CERCAM: variants seen among roughly 807,000 people sequenced by gnomAD.
CERCAM encodes inactive glycosyltransferase 25 family member 3.
A neutral mutation model predicts 66.0 loss-of-function variants in CERCAM; 59 were observed. The ratio of observed to expected loss-of-function variants is 0.89; its 90% CI spans 0.73 to 1.11. The LOEUF (loss-of-function observed/expected upper bound fraction) is 1.11. Among genes scored for constraint, CERCAM ranks in the 50% most tolerant of loss-of-function variants. CERCAM has a pLI of 0.00. For missense variants in CERCAM, 840 were observed against 828.3 expected (o/e 1.01, Z -0.17); for synonymous variants, 318 against 343.6 (o/e 0.93, Z 0.83).
rs767146225 is a variant in CERCAM, at chr9:128,422,960, G to A, written c.290G>A (p.Arg97Lys). The A allele has an allele frequency of 7.4e-6, 12 of 1,613,818 alleles. No individual in the cohort carries two copies. Among genetic ancestry groups the A allele is most frequent in the African/African-American group, 1.3e-5 (1 of 75,040 alleles). ...GATGACTATGCTGCTGTGGTCTGGA[G>A]GCCTGAGGGCGAGCCCAGGTGGTGA... ...VGDDYAAVVW[R>K]PEGEPRFYPD... Residue 97 changes from arginine to lysine, a missense_variant, in exon 2 of 13, where the codon AGG (arginine) becomes AAG (lysine). Arg to Lys is a conservative substitution (Grantham distance 26). Transcript: ENST00000372838.
At chr9:128,429,147 A>T in intron 8 of CERCAM, 111 bp downstream of exon 8, 1 of 745,176 alleles carries the variant, frequency 1.3e-6, no homozygotes, top group Non-Finnish European at 2.1e-6. Flanking sequence ...TTCCTGTCCC[A>T]TGTAGTATCC....
rs1564424950 is a variant in CERCAM at position 128,423,165 on chromosome 9, G to GGTCCCAAGC, written c.329_337dup (p.Lys112_His113insArgProLys). 6.2e-7 allele frequency: 1 copy of GGTCCCAAGC among 1,614,062 alleles called. No individual in the cohort carries two copies. On this transcript the variant is annotated inframe_insertion, in exon 3 of 13. Transcript: ENST00000372838. Reference sequence around the variant, plus strand: ...CCTCAGGTTCTACCCAGATGAAGAGGGTCCCAAGCACTGGACCAAAGAAAG... The same window carrying GGTCCCAAGC: ...CCTCAGGTTCTACCCAGATGAAGAGGGTCCCAAGCGTCCCAAGCACTGGACCAAAGAAAG...
chr9:128,420,791 C>T, upstream of CERCAM: 2 of 475,848 alleles, frequency 4.2e-6, no homozygotes, highest in Non-Finnish European at 3.1e-6. The surrounding 1 kb of genome is among the most constrained non-coding windows in gnomAD (Gnocchi z 5.0). Context: ...GGGTCTGCCT[C>T]GGCCCCGCCC....
chr9:128,422,919 G>A lies in CERCAM; in HGVS notation c.249G>A (p.Trp83Ter). ...VDNTTEMLQE[W>*]LAAVGDDYAA... is the part of the protein sequence containing the mutation. Reference sequence around the variant, plus strand: ...ACACCACAGAGATGCTGCAGGAGTGGCTGGCGGCTGTGGGCGATGACTATG... The same window carrying A: ...ACACCACAGAGATGCTGCAGGAGTGACTGGCGGCTGTGGGCGATGACTATG... The change falls in exon 2 of 13, where the codon TGG becomes TGA. Residue 83 changes from tryptophan to a stop codon, truncating the protein, a stop_gained. Coordinates refer to ENST00000372838, the MANE Select transcript of CERCAM (RefSeq NM_016174.5). LOFTEE classifies it high-confidence loss of function. 6.2e-7 allele frequency: 1 copy of A among 1,614,010 alleles called. No homozygotes were observed. Among genetic ancestry groups the A allele is most frequent in the Admixed American group, 1.7e-5 (1 of 60,016 alleles).
chr9:128,430,929 A>T (rs1172044184), intron 8 of CERCAM: 1 of 411,652 alleles, frequency 2.4e-6, no homozygotes, highest in African/African-American at 2.1e-5. Context: ...AAATCACTTG[A>T]ACCTGGGAGG....
chr9:128,429,015 T>C lies in CERCAM; in HGVS notation c.1049T>C (p.Val350Ala). The C allele has an allele frequency of 6.2e-7, 1 of 1,607,132 alleles. No individual in the cohort carries two copies. The highest frequency in any genetic ancestry group is 8.5e-7 in the Non-Finnish European group (1 of 1,177,792). ...SLWEMEISGRVVDAVDGWMLN... is the reference protein window; with the variant it reads ...SLWEMEISGRAVDAVDGWMLN... ...TGGGAGATGGAGATCTCTGGGAGGGTGGTGGACGCTGTGGATGGCTGGTGA... is the reference window on the plus strand; with the variant it reads ...TGGGAGATGGAGATCTCTGGGAGGGCGGTGGACGCTGTGGATGGCTGGTGA... Residue 350 changes from valine (V) to alanine (A), a missense_variant, in exon 8 of 13, where the codon GTG (valine) becomes GCG (alanine). Transcript: ENST00000372838.
Position 128,431,213 on chromosome 9 carries a change from G to T in CERCAM, c.1113G>T (p.Leu371=). 6.2e-7 allele frequency: 1 copy of T among 1,613,990 alleles called. No homozygotes were observed. The highest frequency in any genetic ancestry group is 8.5e-7 in the Non-Finnish European group (1 of 1,180,008). ...CCATCAGGAACCTCGGCGTAGACCT[G>T]CTCCCGGGCTACCAGGACCCTTACT... The part of the protein sequence containing the change: ...SSAIRNLGVD[L]LPGYQDPYSG... The change falls in exon 9 of 13, where the codon CTG becomes CTT. Residue 371 remains leucine, a synonymous_variant. Transcript: ENST00000372838.
At chr9:128,424,037 T>C in intron 3 of CERCAM, 101 bp from the exon 4 acceptor site, 1 of 1,352,344 alleles carries the variant, frequency 7.4e-7, no homozygotes, top group Non-Finnish European at 1.0e-6. Flanking sequence ...TCCCACTGGA[T>C]CCTAGGAGCC....
chr9:128,428,838 G>C lies in CERCAM; in HGVS notation c.963+5G>C. 6.2e-7 allele frequency: 1 copy of C among 1,613,966 alleles called. No individual in the cohort carries two copies. The highest frequency in any genetic ancestry group is 1.1e-5 in the South Asian group (1 of 91,084). On this transcript the variant is annotated splice_donor_5th_base_variant and intron_variant, in intron 7 of 12. Transcript: ENST00000372838. Reference sequence around the variant, plus strand: ...AGCAAGATAGGGTTTGACGAGGTAAGTCCCCCAGCCTGTGGGCTCGCTGTT... The same window carrying C: ...AGCAAGATAGGGTTTGACGAGGTAACTCCCCCAGCCTGTGGGCTCGCTGTT...
In CERCAM at chr9:128,435,682, G is replaced by T; in HGVS notation, c.1565G>T (p.Arg522Leu). Residue 522 changes from arginine to leucine, a missense_variant, in exon 12 of 13, where the codon CGG becomes CTG. Physicochemically the swap from Arg to Leu is moderately radical, Grantham distance 102. Coordinates refer to ENST00000372838, the MANE Select transcript of CERCAM (RefSeq NM_016174.5). ...CAGTACAAGGCACACTTCTGGCCAC[G>T]GGACCTGGTGGCCTTCTCCGCCCAG... ...NEQYKAHFWP[R>L]DLVAFSAQPL... is the part of the protein sequence containing the mutation. The T allele has an allele frequency of 6.2e-7, 1 of 1,613,580 alleles. No individual in the cohort carries two copies. The highest frequency in any genetic ancestry group is 8.5e-7 in the Non-Finnish European group (1 of 1,179,870).
Position 128,421,469 on chromosome 9 carries a change from C to T in CERCAM, c.197+395C>T, listed in dbSNP as rs7025672. On this transcript the variant is annotated intron_variant, in intron 1 of 12. Transcript: ENST00000372838. The stretch of plus-strand genomic sequence containing the variant: ...GGAACCTCTGAAGTCCACTGGGGCC[C>T]AACGTGGCAGGGATCGACCACGCTG... 28,875 of 1,000,796 alleles carry T rather than the reference C, an allele frequency of 0.029. 6,006 individuals carry two copies. The African/African-American group carries it at 0.45, about 16-fold the overall frequency. 62.0% of individuals were successfully genotyped at this position (1,000,796 alleles called of 1,614,324 possible). A position where few individuals can be genotyped will look rare whatever the true frequency, so the allele number is the denominator to read the frequency against.
At chr9:128,436,334 G>A (rs966562635) in intron 12 of CERCAM, among the ~76,000 whole-genome samples, 3 of 152,084 alleles carry the variant, frequency 2.0e-5, no homozygotes, top group Non-Finnish European at 2.9e-5. Flanking sequence ...TCTGCCTCCC[G>A]CGTCCCGGAT....
rs537219342 is a variant in CERCAM at position 128,425,582 on chromosome 9, G to T, written c.766+968G>T. On this transcript the variant is annotated intron_variant, in intron 5 of 12. Transcript: ENST00000372838. The stretch of plus-strand genomic sequence containing the variant: ...GCTGGAGTGCAATGGCGTGATCTTG[G>T]CTCACTGCAACCTCTGCCTTCCGGG... 2.3e-3 allele frequency among the ~76,000 whole-genome samples: 349 copies of T among 151,490 alleles called. 1 individual carries two copies. Among genetic ancestry groups the T allele is most frequent in the African/African-American group, 7.0e-3 (289 of 41,254 alleles).
In CERCAM at chr9:128,434,703, A is replaced by C. The variant is rs931302110; in HGVS notation, c.1535+90A>C. The C allele has an allele frequency of 2.4e-5, 32 of 1,315,898 alleles. No individual in the cohort carries two copies. Among genetic ancestry groups the C allele is most frequent in the Non-Finnish European group, 3.0e-5 (29 of 957,818 alleles). 81.5% of individuals were successfully genotyped at this position (1,315,898 alleles called of 1,614,324 possible). On this transcript the variant is annotated intron_variant, in intron 11 of 12. Transcript: ENST00000372838. The surrounding 1 kb of genome is among the most constrained non-coding windows in gnomAD (Gnocchi z 4.5). ...TCAGCAGGAAGTCCCCTCACCTGGC[A>C]GATGGGGAGACTGGGACTGGCAAGG...
rs1278107849 is a variant in CERCAM, at chr9:128,434,311, C to T, written c.1331+82C>T. The stretch of plus-strand genomic sequence containing the variant: ...TTTTCCTGCTTGGGACCCTGGCCGG[C>T]CCATCCCCTGAGAGCCTGGCCCTGT... On this transcript the variant is annotated intron_variant, in intron 10 of 12. Transcript: ENST00000372838. The surrounding 1 kb of genome is among the most constrained non-coding windows in gnomAD (Gnocchi z 4.5). The T allele has an allele frequency of 1.2e-5, 20 of 1,601,876 alleles. No individual in the cohort carries two copies. The highest frequency in any genetic ancestry group is 2.7e-5 in the African/African-American group (2 of 74,656).
At position 128,421,078 on chromosome 9, in the gene CERCAM, A is replaced by T; in HGVS notation, c.197+4A>T. 1 of 1,298,186 alleles carries T rather than the reference A, an allele frequency of 7.7e-7. No homozygotes were observed. Among genetic ancestry groups the T allele is most frequent in the Non-Finnish European group, 9.8e-7 (1 of 1,020,272 alleles). 80.4% of individuals were successfully genotyped at this position (1,298,186 alleles called of 1,614,324 possible). ...CCCGGGCCAGGATGGCCCTCTGGTGAGAGACCCGGGCATTGGCACCGAGTG... is the reference window on the plus strand; with the variant it reads ...CCCGGGCCAGGATGGCCCTCTGGTGTGAGACCCGGGCATTGGCACCGAGTG... On this transcript the variant is annotated splice_donor_region_variant and intron_variant, in intron 1 of 12. Coordinates refer to ENST00000372838, the MANE Select transcript of CERCAM (RefSeq NM_016174.5).
chr9:128,424,634 T>C lies in CERCAM; in HGVS notation c.766+20T>C. 1 of 1,610,470 alleles carries C rather than the reference T, an allele frequency of 6.2e-7. No homozygotes were observed. Among genetic ancestry groups the C allele is most frequent in the Non-Finnish European group, 8.5e-7 (1 of 1,177,464 alleles). ...CTGCTGGTGAGGACCAGCCCTCCTT[T>C]AGCATTCCTTGGAGGCCTCTGCACA... On this transcript the variant is annotated intron_variant, in intron 5 of 12. Coordinates refer to ENST00000372838, the MANE Select transcript of CERCAM (RefSeq NM_016174.5).
At chr9:128,428,117 G>A (rs551394866) in intron 5 of CERCAM, among the ~76,000 whole-genome samples, 185 bp from the exon 6 acceptor site, 1 of 152,308 alleles carries the variant, frequency 6.6e-6, no homozygotes, top group East Asian at 1.9e-4. Flanking sequence ...AACCATTTCA[G>A]TAGAAAGACC....
chr9:128,421,381 C>A (rs1333555783), intron 1 of CERCAM: 18 of 1,132,156 alleles, frequency 1.6e-5, no homozygotes, highest in Non-Finnish European at 1.8e-5. Flanking sequence ...TCACCCCAGC[C>A]TTCAGGGCCC....
Sources: allele counts gnomAD v4.1 joint callset (sites outside exome capture counted in the v4.1 genomes callset), GRCh38; gene constraint gnomAD v4.1.1; non-coding constraint Gnocchi (gnomAD v3.1); transcripts MANE v1.5; gene names NCBI Gene and HGNC (gene_info 2026-07-23, HGNC 2026-07-21).